GAREM1: variants seen among roughly 807,000 people sequenced by gnomAD.
GAREM1 encodes the protein GRB2 associated regulator of MAPK1 subtype 1.
GAREM1 carries 26 observed loss-of-function variants against 71.3 expected under a neutral mutation model. The ratio of observed to expected loss-of-function variants is 0.36; its 90% CI spans 0.27 to 0.51. GAREM1 has a LOEUF of 0.51. GAREM1 is among the 20% of genes least tolerant of loss of function. GAREM1 has a pLI of 0.95. For missense variants in GAREM1, 1,026 were observed against 1,103.1 expected (o/e 0.93, Z 0.99); for synonymous variants, 440 against 433.2 (o/e 1.02, Z -0.20).
At chr18:32,330,479 T>C (rs1264667404) in intron 2 of GAREM1, among the ~76,000 whole-genome samples, 1 of 152,052 alleles carries the variant, frequency 6.6e-6, no homozygotes, top group Non-Finnish European at 1.5e-5. Flanking sequence ...ATAACAAACC[T>C]GCACATGTAT....
At chr18:32,281,896 A>G (rs1334141586) in intron 4 of GAREM1, among the ~76,000 whole-genome samples, 3 of 152,146 alleles carry the variant, frequency 2.0e-5, no homozygotes, top group African/African-American at 7.2e-5. Flanking sequence ...CCCCACCTTA[A>G]CTGATGACAT....
At chr18:32,310,766 T>A (rs1415861004) in intron 2 of GAREM1, among the ~76,000 whole-genome samples, 1 of 150,712 alleles carries the variant, frequency 6.6e-6, no homozygotes, top group Non-Finnish European at 1.5e-5. Context: ...AAATTAGTAT[T>A]AAATTTTTTT....
In GAREM1 at chr18:32,274,515, C is replaced by T. The variant is rs968769458; in HGVS notation, c.1567-4132G>A. Among the ~76,000 whole-genome samples, 6 of 152,234 alleles carry T rather than the reference C, an allele frequency of 3.9e-5. No individual in the cohort carries two copies. The East Asian group carries it at 5.8e-4, about 15-fold the overall frequency. On this transcript the variant is annotated intron_variant, in intron 4 of 5. Transcript: ENST00000269209. The stretch of plus-strand genomic sequence containing the variant: ...CTCTCATCATGTTACTCGCTGTCTC[C>T]GACGGCTCCCTCTGATTCCTGGATA...
chr18:32,416,526 C>T (rs1278273222), intron 1 of GAREM1, among the ~76,000 whole-genome samples: 21 of 152,060 alleles, frequency 1.4e-4, no homozygotes, highest in South Asian at 2.1e-4. Flanking sequence ...ACAACAGACA[C>T]ATAGACAAAT....
intron 2 of GAREM1, 91 bp from the exon 3 acceptor site, chr18:32,310,414 C>CT (rs1052322524): frequency 3.8e-6 from 5 of 1,322,330 alleles, no homozygotes; most frequent in African/African-American, 3.0e-5. Context: ...TACCCCAGCC[C>CT]TTTTTTTGTC....
chr18:32,460,604 C>A (rs1197524804), intron 1 of GAREM1, among the ~76,000 whole-genome samples: 6 of 152,166 alleles, frequency 3.9e-5, no homozygotes, highest in Non-Finnish European at 8.8e-5. Flanking sequence ...ACTACTGTTT[C>A]AAGTCAAACT....
At chr18:32,368,343 G>A (rs1598994905) in intron 2 of GAREM1, among the ~76,000 whole-genome samples, 1 of 152,288 alleles carries the variant, frequency 6.6e-6, no homozygotes, top group Non-Finnish European at 1.5e-5. Context: ...TGCTGCTAAT[G>A]AGGAGCCATT....
chr18:32,414,094 ATGAC>A (rs1157673295), intron 1 of GAREM1, among the ~76,000 whole-genome samples: 2 of 152,180 alleles, frequency 1.3e-5, no homozygotes, highest in Admixed American at 6.5e-5. Context: ...ATCTATTTTA[ATGAC>A]TGAAAGTATA....
chr18:32,330,594 A>G (rs545351937), intron 2 of GAREM1, among the ~76,000 whole-genome samples: 12 of 152,158 alleles, frequency 7.9e-5, no homozygotes, highest in Non-Finnish European at 1.3e-4. Flanking sequence ...GACTTAAAAC[A>G]CAATACAGTT....
At chr18:32,374,749 TG>T (rs1271941364) in intron 2 of GAREM1, among the ~76,000 whole-genome samples, 1 of 152,232 alleles carries the variant, frequency 6.6e-6, no homozygotes, top group Non-Finnish European at 1.5e-5. Flanking sequence ...TGTATTCAAC[TG>T]TTCAACCATT....
chr18:32,376,424 T>C (rs1467336932), intron 2 of GAREM1, among the ~76,000 whole-genome samples: 1 of 152,278 alleles, frequency 6.6e-6, no homozygotes, highest in Non-Finnish European at 1.5e-5. Flanking sequence ...AGTTATAATC[T>C]TTTGTTCAGT....
At chr18:32,277,980 G>T (rs574124185) in intron 4 of GAREM1, among the ~76,000 whole-genome samples, 3 of 152,238 alleles carry the variant, frequency 2.0e-5, no homozygotes, top group East Asian at 3.9e-4. Flanking sequence ...CTTCCTAGGG[G>T]TTTATGAAAC....
At chr18:32,358,303 A>C (rs556847433) in intron 2 of GAREM1, among the ~76,000 whole-genome samples, 1 of 151,908 alleles carries the variant, frequency 6.6e-6, no homozygotes, top group Non-Finnish European at 1.5e-5. Context: ...AGGGGAAGGG[A>C]ACTGCCTGCA....
intron 3 of GAREM1, among the ~76,000 whole-genome samples, chr18:32,291,303 T>C (rs914655709): frequency 2.7e-5 from 4 of 149,888 alleles, no homozygotes; most frequent in African/African-American, 9.8e-5. Flanking sequence ...ACATTTTCTT[T>C]TTATTTTTGT....
chr18:32,459,147 A>G (rs2048928272), intron 1 of GAREM1, among the ~76,000 whole-genome samples: 1 of 152,168 alleles, frequency 6.6e-6, no homozygotes, highest in Non-Finnish European at 1.5e-5. Context: ...GCAGTTTTAT[A>G]TACAATTTGG....
At chr18:32,299,513 CAAAAA>C (rs57549959) in intron 3 of GAREM1, among the ~76,000 whole-genome samples, 4 of 69,332 alleles carry the variant, frequency 5.8e-5, no homozygotes, top group African/African-American at 1.9e-4. Context: ...GACCCCATCT[CAAAAA>C]AAAAAAAAAA....
intron 1 of GAREM1, among the ~76,000 whole-genome samples, chr18:32,399,847 A>G (rs1414184142): frequency 6.6e-6 from 1 of 152,218 alleles, no homozygotes; most frequent in Non-Finnish European, 1.5e-5. Context: ...GGAACCAAAA[A>G]AGAGCCTGCA....
chr18:32,309,257 C>T (rs2047289008), intron 3 of GAREM1, among the ~76,000 whole-genome samples: 1 of 149,578 alleles, frequency 6.7e-6, no homozygotes, highest in African/African-American at 2.5e-5. Context: ...AGTCCCTCTT[C>T]AACAGCAAGT....
chr18:32,275,438 G>A (rs867074277), intron 4 of GAREM1, among the ~76,000 whole-genome samples: 6 of 152,260 alleles, frequency 3.9e-5, no homozygotes, highest in East Asian at 1.9e-4. Context: ...GGGTGTTACC[G>A]TCCATTGCAG....
Sources: allele counts gnomAD v4.1 joint callset (sites outside exome capture counted in the v4.1 genomes callset), GRCh38; gene constraint gnomAD v4.1.1; transcripts MANE v1.5; gene names NCBI Gene and HGNC (gene_info 2026-07-23, HGNC 2026-07-21).